The following RPS6KC1 variants were observed in gnomAD, a reference collection of about 807,000 sequenced individuals.
RPS6KC1 encodes the protein ribosomal protein S6 kinase C1.
A neutral mutation model predicts 103.8 loss-of-function variants in RPS6KC1; 54 were observed. The ratio of observed to expected loss-of-function variants is 0.52; its 90% CI spans 0.42 to 0.65. RPS6KC1 has a LOEUF of 0.65. Ranked by LOEUF, RPS6KC1 falls within the 30% of genes least tolerant of loss-of-function variation. The pLI is 0.00. For missense variants in RPS6KC1, 1,151 were observed against 1,253.8 expected (o/e 0.92, Z 1.24); for synonymous variants, 439 against 438.7 (o/e 1.00, Z -0.01).
intron 6 of RPS6KC1, among the ~76,000 whole-genome samples, chr1:213,152,202 TG>T (rs1193757872): frequency 9.2e-6 from 1 of 108,624 alleles, no homozygotes; most frequent in African/African-American, 3.6e-5. Flanking sequence ...ACCTCCCTCC[TG>T]GACGGGGCGG....
chr1:213,094,977 A>T (rs2081321550), intron 3 of RPS6KC1, among the ~76,000 whole-genome samples: 1 of 152,232 alleles, frequency 6.6e-6, no homozygotes, highest in Admixed American at 6.5e-5. Context: ...TTAAAAAATC[A>T]TAGAATCATA....
intron 6 of RPS6KC1, among the ~76,000 whole-genome samples, chr1:213,147,814 T>C (rs1161249735): frequency 6.6e-6 from 1 of 152,248 alleles, no homozygotes; most frequent in East Asian, 1.9e-4. Flanking sequence ...ATATTGATTC[T>C]ACCAATCCAT....
the RPS6KC1 span, among the ~76,000 whole-genome samples, chr1:213,665,222 A>ACAG: frequency 6.6e-6 from 1 of 151,966 alleles, no homozygotes; most frequent in South Asian, 2.1e-4. Flanking sequence ...AACAACAACA[A>ACAG]CACATTTTTC....
intron 8 of RPS6KC1, among the ~76,000 whole-genome samples, chr1:213,194,353 CTGGTGATTTTG>C (rs1366098168): frequency 2.0e-5 from 3 of 152,144 alleles, no homozygotes; most frequent in African/African-American, 7.2e-5. Context: ...ATTTTGTTTT[CTGGTGATTTTG>C]TGGTCTTTCC....
chr1:213,234,430 G>A (rs188861336), intron 10 of RPS6KC1, among the ~76,000 whole-genome samples: 68 of 152,286 alleles, frequency 4.5e-4, no homozygotes, highest in African/African-American at 1.6e-3. Context: ...TAACAACTGG[G>A]GGACTATGTT....
the RPS6KC1 span, among the ~76,000 whole-genome samples, chr1:213,650,487 C>T: frequency 6.6e-6 from 1 of 152,170 alleles, no homozygotes; most frequent in Admixed American, 6.5e-5. Context: ...TTTCCTGACA[C>T]ACTCAGGGAA....
the RPS6KC1 span, among the ~76,000 whole-genome samples, chr1:213,482,529 C>A: frequency 7.4e-6 from 1 of 135,300 alleles, no homozygotes; most frequent in Admixed American, 7.6e-5. Flanking sequence ...TTTTTTTCAA[C>A]CTAACTTGAG....
chr1:213,452,669 C>G, the RPS6KC1 span, among the ~76,000 whole-genome samples: 1 of 152,324 alleles, frequency 6.6e-6, no homozygotes, highest in African/African-American at 2.4e-5. Flanking sequence ...GCACTGTCCA[C>G]TGCCCCGCCT....
the RPS6KC1 span, among the ~76,000 whole-genome samples, chr1:213,641,829 A>AAAAT: frequency 5.2e-3 from 605 of 116,394 alleles, 3 homozygotes; most frequent in African/African-American, 0.017. Flanking sequence ...ACCCCCTGCA[A>AAAAT]AAATAAATAA....
the RPS6KC1 span, among the ~76,000 whole-genome samples, chr1:213,637,166 A>G: frequency 6.6e-6 from 1 of 152,182 alleles, no homozygotes; most frequent in Non-Finnish European, 1.5e-5. Flanking sequence ...TGTTGGTGGG[A>G]GTGTAAACTA....
chr1:213,449,639 A>G, the RPS6KC1 span, among the ~76,000 whole-genome samples: 1 of 152,214 alleles, frequency 6.6e-6, no homozygotes, highest in Non-Finnish European at 1.5e-5. Flanking sequence ...GAATTTTTGC[A>G]GGACACAATT....
chr1:213,579,248 C>T, the RPS6KC1 span, among the ~76,000 whole-genome samples: 7 of 152,164 alleles, frequency 4.6e-5, no homozygotes, highest in East Asian at 9.6e-4. Flanking sequence ...TCCATTAAAC[C>T]TCTTTATCTT....
the RPS6KC1 span, among the ~76,000 whole-genome samples, chr1:213,698,903 A>G: frequency 6.6e-6 from 1 of 151,420 alleles, no homozygotes; most frequent in African/African-American, 2.4e-5. Flanking sequence ...CCCAGTCTAG[A>G]TAATTTTTTT....
intron 3 of RPS6KC1, among the ~76,000 whole-genome samples, chr1:213,094,133 T>G (rs1223964816): frequency 2.0e-5 from 3 of 152,032 alleles, no homozygotes; most frequent in Admixed American, 2.0e-4. Context: ...ATATATACGT[T>G]TTTTTCCAAA....
the RPS6KC1 span, among the ~76,000 whole-genome samples, chr1:213,412,250 T>A: frequency 6.6e-6 from 1 of 152,304 alleles, no homozygotes; most frequent in East Asian, 1.9e-4. Flanking sequence ...GGAAACTAAT[T>A]CTAGTTTAAA....
At chr1:213,765,918 G>A in the RPS6KC1 span, among the ~76,000 whole-genome samples, 1 of 152,150 alleles carries the variant, frequency 6.6e-6, no homozygotes, top group Non-Finnish European at 1.5e-5. Flanking sequence ...GTGATGATGG[G>A]GGTAGGACAC....
chr1:213,493,312 A>C, the RPS6KC1 span, among the ~76,000 whole-genome samples: 3 of 152,338 alleles, frequency 2.0e-5, no homozygotes, highest in East Asian at 5.8e-4. Flanking sequence ...TGAGCTTTCT[A>C]TATTGGCCAA....
the RPS6KC1 span, among the ~76,000 whole-genome samples, chr1:213,467,756 G>A: frequency 2.6e-5 from 4 of 152,240 alleles, no homozygotes; most frequent in South Asian, 8.3e-4. Context: ...CCTGTAGGTT[G>A]CAGGAAGGGA....
chr1:213,796,217 C>T, the RPS6KC1 span, among the ~76,000 whole-genome samples: 2 of 152,158 alleles, frequency 1.3e-5, no homozygotes, highest in African/African-American at 4.8e-5. Flanking sequence ...TTTCATGTTA[C>T]TTTCTGATCC....
Sources: allele counts gnomAD v4.1 joint callset (sites outside exome capture counted in the v4.1 genomes callset), GRCh38; gene constraint gnomAD v4.1.1; transcripts MANE v1.5; gene names NCBI Gene and HGNC (gene_info 2026-07-23, HGNC 2026-07-21).